ERG: variants seen among roughly 807,000 people sequenced by gnomAD.
ERG encodes ETS transcription factor ERG, also known as transcriptional regulator ERG.
ERG carries 9 observed loss-of-function variants against 55.3 expected under a neutral mutation model. The ratio of observed to expected loss-of-function variants is 0.16; its 90% CI spans 0.10 to 0.28. The LOEUF (loss-of-function observed/expected upper bound fraction) is 0.28, where lower values mean the gene tolerates loss of function less well. Ranked by LOEUF, ERG falls within the 10% of genes least tolerant of loss-of-function variation. ERG has a pLI of 1.00. For missense variants in ERG, 434 were observed against 631.6 expected, an observed-to-expected ratio of 0.69 and a Z score of 3.35; for synonymous variants, 223 against 237.3, an observed-to-expected ratio of 0.94 and a Z score of 0.55.
intron 1 of ERG, among the ~76,000 whole-genome samples, chr21:38,447,313 T>C (rs567936133): frequency 1.3e-5 from 2 of 151,698 alleles, no homozygotes; most frequent in South Asian, 2.1e-4. Context: ...ACTCCATAAG[T>C]ATCTGTAGAA....
At position 38,624,367 on chromosome 21, in the gene ERG, G is replaced by A. The variant is rs563005120; in HGVS notation, c.-150+37291C>T. 7.2e-5 allele frequency among the ~76,000 whole-genome samples: 11 copies of A among 152,292 alleles called. 1 individual carries two copies. The highest frequency in any genetic ancestry group is 2.4e-4 in the African/African-American group (10 of 41,554). On this transcript the variant is annotated intron_variant, in intron 1 of 10. Transcript: ENST00000398910. ...ATGCAGGGCTTAAAACCGAGATGAC[G>A]GGGTGATAGGTACAGCAAACCACCA... is the stretch of plus-strand genomic sequence containing the variant.
intron 1 of ERG, among the ~76,000 whole-genome samples, chr21:38,453,217 T>C (rs567666996): frequency 3.0e-4 from 45 of 152,348 alleles, no homozygotes; most frequent in African/African-American, 1.1e-3. Flanking sequence ...GGACTTCCTA[T>C]AGCTAAGCAA....
downstream of ERG, among the ~76,000 whole-genome samples, chr21:38,375,727 A>G (rs1987222840): frequency 6.6e-6 from 1 of 152,202 alleles, no homozygotes. Context: ...GCCTGGGTTC[A>G]TTTGGCTTGA....
intron 1 of ERG, among the ~76,000 whole-genome samples, chr21:38,584,164 G>A (rs1817586826): frequency 6.6e-6 from 1 of 152,124 alleles, no homozygotes; most frequent in Non-Finnish European, 1.5e-5. Context: ...TTCTGGCAAG[G>A]GAGGGACTCA....
chr21:38,636,438 G>A (rs2060389299), intron 1 of ERG, among the ~76,000 whole-genome samples: 1 of 152,156 alleles, frequency 6.6e-6, no homozygotes, highest in African/African-American at 2.4e-5. Flanking sequence ...CCCTCTGGGG[G>A]AAGGGCTACT....
Position 38,460,079 on chromosome 21 carries a change from G to C in ERG, c.19-14458C>G, listed in dbSNP as rs1331430457. Among the ~76,000 whole-genome samples, 4 of 152,218 alleles carry C rather than the reference G, an allele frequency of 2.6e-5. No individual in the cohort carries two copies. Among genetic ancestry groups the C allele is most frequent in the South Asian group, 2.1e-4 (1 of 4,832 alleles). On this transcript the variant is annotated intron_variant, in intron 1 of 9. Transcript: ENST00000288319. This position sits in a 1 kb window ranked among gnomAD's most constrained non-coding sequence, Gnocchi z 5.0. ...GGTGGTCCTGAGAAAACGCGAAGGA[G>C]GGGAGGGTGTGAGCCCCCATGCATT...
chr21:38,367,317 C>G, the ERG span, among the ~76,000 whole-genome samples: 1 of 152,194 alleles, frequency 6.6e-6, no homozygotes. Flanking sequence ...TATTATCTCA[C>G]AGTTTTGGTG....
chr21:38,425,859 G>T (rs116263913), intron 2 of ERG, among the ~76,000 whole-genome samples: 2,655 of 152,330 alleles, frequency 0.017, 25 homozygotes, highest in African/African-American at 0.02. Flanking sequence ...TCTGAGTGGG[G>T]TGAGATGGAG....
intron 1 of ERG, among the ~76,000 whole-genome samples, chr21:38,632,336 T>A (rs779378100): frequency 1.3e-5 from 2 of 152,058 alleles, no homozygotes; most frequent in Non-Finnish European, 2.9e-5. Flanking sequence ...CTCACACCCA[T>A]TAGGATGAAC....
intron 1 of ERG, among the ~76,000 whole-genome samples, chr21:38,491,217 A>C (rs1464212177): frequency 2.0e-5 from 3 of 152,066 alleles, no homozygotes; most frequent in Non-Finnish European, 4.4e-5. Context: ...AAAAAAAAAA[A>C]AAAAAAGACC....
At chr21:38,524,327 T>C (rs551438729) in intron 2 of ERG, among the ~76,000 whole-genome samples, 107 of 152,330 alleles carry the variant, frequency 7.0e-4, no homozygotes, top group African/African-American at 2.5e-3. Context: ...TTCAAATCTG[T>C]CACAAAGTGG....
intron 2 of ERG, among the ~76,000 whole-genome samples, chr21:38,542,922 T>C (rs540558252): frequency 1.1e-4 from 16 of 152,338 alleles, no homozygotes; most frequent in African/African-American, 3.8e-4. Context: ...TTTTCTACCA[T>C]AGATTCTTTA....
At position 38,383,595 on chromosome 21, in the gene ERG, C is replaced by A; in HGVS notation, c.1248G>T (p.Pro416=). The change falls in exon 10 of 10, where the codon CCG becomes CCT. Residue 416 remains proline (P), a synonymous_variant. Coordinates refer to ENST00000288319, the MANE Select transcript of ERG (RefSeq NM_182918.4). The surrounding 1 kb of genome is among the most constrained non-coding windows in gnomAD (Gnocchi z 5.7). ...GGTGGGCGTGATAGGAGCCCATGTA[C>A]GGGAGGTCTGAGGGGTACTTGTACA... ...SSLYKYPSDL[P]YMGSYHAHPQ... The A allele has an allele frequency of 6.2e-7, 1 of 1,611,134 alleles. No individual in the cohort carries two copies. Among genetic ancestry groups the A allele is most frequent in the Non-Finnish European group, 8.5e-7 (1 of 1,178,128 alleles).
At position 38,410,777 on chromosome 21, in the gene ERG, A is replaced by G. The variant is rs189973581; in HGVS notation, c.389-7068T>C. ...CACACAGGCAAACATCTTCTTTCAG[A>G]GGCCCCTCTAGAGAAATGAATAAAG... On this transcript the variant is annotated intron_variant, in intron 3 of 9. Coordinates refer to ENST00000288319, the MANE Select transcript of ERG (RefSeq NM_182918.4). 5.3e-4 allele frequency among the ~76,000 whole-genome samples: 80 copies of G among 152,360 alleles called. 1 individual carries two copies. The South Asian group carries it at 0.016, about 30-fold the overall frequency.
intron 1 of ERG, among the ~76,000 whole-genome samples, chr21:38,482,096 C>G (rs768063147): frequency 1.3e-5 from 2 of 152,200 alleles, no homozygotes; most frequent in African/African-American, 2.4e-5. Flanking sequence ...TTTTAATTTA[C>G]AAGTGAAACA....
Position 38,382,139 on chromosome 21 carries a change from C to A in ERG, c.*1264G>T. On this transcript the variant is annotated 3_prime_UTR_variant, in exon 10 of 10. Coordinates refer to ENST00000288319, the MANE Select transcript of ERG (RefSeq NM_182918.4). ...CATACAGAGTTAAAATTCAAGGCCA[C>A]ATTATATCGATTGTCTCTTTTGTCG... 9.5e-7 allele frequency: 1 copy of A among 1,054,640 alleles called. No individual in the cohort carries two copies. Among genetic ancestry groups the A allele is most frequent in the Non-Finnish European group, 1.1e-6 (1 of 872,338 alleles). The allele number at this position is 1,054,640 out of a possible 1,614,324, so 65.3% of individuals were successfully genotyped here. A position where few individuals can be genotyped will look rare whatever the true frequency, so the allele number is the denominator to read the frequency against.
intron 2 of ERG, among the ~76,000 whole-genome samples, chr21:38,535,286 G>A (rs995928386): frequency 6.6e-6 from 1 of 152,114 alleles, no homozygotes; most frequent in East Asian, 1.9e-4. Flanking sequence ...TGCAGAACAC[G>A]GGGAGTGTTG....
chr21:38,519,431 A>T (rs2059577213), intron 2 of ERG, among the ~76,000 whole-genome samples: 1 of 152,160 alleles, frequency 6.6e-6, no homozygotes, highest in African/African-American at 2.4e-5. Context: ...AAACAATAGG[A>T]GCTGTGGCCT....
chr21:38,582,312 T>C (rs943405184), intron 1 of ERG, among the ~76,000 whole-genome samples: 2 of 152,160 alleles, frequency 1.3e-5, no homozygotes, highest in African/African-American at 2.4e-5. Context: ...GAGGACGGTG[T>C]TGGGGAGCTC....
Sources: gnomAD v4.1 joint callset for allele counts (sites outside exome capture counted in the v4.1 genomes callset) on GRCh38, gnomAD v4.1.1 for gene constraint, Gnocchi (gnomAD v3.1) non-coding constraint, MANE v1.5 for transcripts, NCBI Gene and HGNC (gene_info 2026-07-23, HGNC 2026-07-21) for gene names.